The following NHSL1 variants were observed in gnomAD, a reference collection of about 807,000 sequenced individuals.
The protein encoded by NHSL1 is NHS-like protein 1.
Under a neutral mutation model 95.0 loss-of-function variants are expected in NHSL1, and 48 were observed. The ratio of observed to expected loss-of-function variants is 0.51; its 90% CI spans 0.40 to 0.64. The LOEUF is 0.64. Ranked by LOEUF, NHSL1 falls within the 30% of genes least tolerant of loss-of-function variation. The pLI is 0.00. For synonymous variants in NHSL1, 783 were observed against 833.9 expected (o/e 0.94, Z 1.05); for missense variants, 1,971 against 2,077.7 (o/e 0.95, Z 1.00).
chr6:138,433,593 C>A lies in NHSL1; in HGVS notation c.752G>T (p.Arg251Leu), dbSNP rs115607305. ...YSTLGRFNSCRSAGQRSETRD... is the reference protein window; with the variant it reads ...YSTLGRFNSCLSAGQRSETRD... ...GGTTTCTGAGCGCTGCCCAGCAGAC[C>A]GACAGCTATTGAACCTTCCTAGTGT... The change falls in exon 6 of 8, where the codon CGG (arginine) becomes CTG (leucine). Residue 251 changes from arginine (R) to leucine (L), a missense_variant. Physicochemically the swap from Arg to Leu is moderately radical, Grantham distance 102. Coordinates refer to ENST00000343505, the MANE Select transcript of NHSL1 (RefSeq NM_001144060.2). The A allele has an allele frequency of 3.2e-6, 5 of 1,552,006 alleles. No individual in the cohort carries two copies. Among genetic ancestry groups the A allele is most frequent in the Non-Finnish European group, 4.4e-6 (5 of 1,147,068 alleles).
chr6:138,529,620 G>C (rs1782052937), intron 1 of NHSL1, among the ~76,000 whole-genome samples: 1 of 152,224 alleles, frequency 6.6e-6, no homozygotes, highest in African/African-American at 2.4e-5. Context: ...TCTGAAGGCT[G>C]TGCAGAAGAA....
chr6:138,685,998 A>G (rs1264719682), intron 1 of NHSL1, among the ~76,000 whole-genome samples: 1 of 152,190 alleles, frequency 6.6e-6, no homozygotes, highest in Non-Finnish European at 1.5e-5. Context: ...AGAAGCAGAG[A>G]GTACAATGAT....
rs1419720774 is a variant in NHSL1, at chr6:138,632,555, G to C, written c.96+59921C>G. On this transcript the variant is annotated intron_variant, in intron 1 of 3. Coordinates refer to the NHSL1 transcript ENST00000491526. Reference sequence around the variant, plus strand: ...CCTTTTTTGGGAGAAAGGGAAGAGAGCAAGAGTTTCTGCCTGGTAATGCAA... The same window carrying C: ...CCTTTTTTGGGAGAAAGGGAAGAGACCAAGAGTTTCTGCCTGGTAATGCAA... 2.0e-5 allele frequency among the ~76,000 whole-genome samples: 3 copies of C among 152,190 alleles called. 1 individual carries two copies. Among genetic ancestry groups the C allele is most frequent in the African/African-American group, 7.2e-5 (3 of 41,444 alleles).
At chr6:138,458,831 A>G (rs1777802265) in intron 3 of NHSL1, among the ~76,000 whole-genome samples, 1 of 149,242 alleles carries the variant, frequency 6.7e-6, no homozygotes, top group African/African-American at 2.5e-5. Flanking sequence ...TCTGTCTCAA[A>G]AAAAAAAAAA....
intron 1 of NHSL1, among the ~76,000 whole-genome samples, chr6:138,497,780 C>T (rs1316804732): frequency 6.6e-6 from 1 of 152,194 alleles, no homozygotes; most frequent in African/African-American, 2.4e-5. Flanking sequence ...GCTCATCTCA[C>T]ATACCATCTT....
chr6:138,589,521 T>G (rs1407449753), intron 1 of NHSL1, among the ~76,000 whole-genome samples: 2 of 152,134 alleles, frequency 1.3e-5, no homozygotes, highest in African/African-American at 2.4e-5. Flanking sequence ...TGTAGAGGCT[T>G]GGCAGAGACT....
At chr6:138,537,312 G>T (rs912214421) in intron 1 of NHSL1, among the ~76,000 whole-genome samples, 1 of 152,168 alleles carries the variant, frequency 6.6e-6, no homozygotes, top group African/African-American at 2.4e-5. Context: ...TTGCTACCAC[G>T]CTCCTTTGCC....
Position 138,668,392 on chromosome 6 carries a change from G to A in NHSL1, c.96+24084C>T, listed in dbSNP as rs564577872. On this transcript the variant is annotated intron_variant, in intron 1 of 3. Transcript: ENST00000491526. ...TGGGAGGCGGAGGTTGCAGTGAGCCGAGATGGTGCCATTGCACTCCAACCT... is the reference window on the plus strand; with the variant it reads ...TGGGAGGCGGAGGTTGCAGTGAGCCAAGATGGTGCCATTGCACTCCAACCT... 5.3e-5 allele frequency among the ~76,000 whole-genome samples: 8 copies of A among 152,082 alleles called. 1 individual carries two copies. The South Asian group carries it at 8.3e-4, about 16-fold the overall frequency.
chr6:138,616,466 AG>A (rs950808337), intron 1 of NHSL1, among the ~76,000 whole-genome samples: 18 of 152,248 alleles, frequency 1.2e-4, no homozygotes, highest in African/African-American at 4.3e-4. Flanking sequence ...GGATGGTGGT[AG>A]GAACAAGTAA....
chr6:138,475,964 AAAAAC>A (rs1207567867), intron 2 of NHSL1, among the ~76,000 whole-genome samples: 2 of 152,120 alleles, frequency 1.3e-5, no homozygotes, highest in African/African-American at 2.4e-5. Context: ...CTCTGTCTCA[AAAAAC>A]AAAACAAAAC....
chr6:138,477,547 G>A (rs1353288457), intron 2 of NHSL1, among the ~76,000 whole-genome samples: 1 of 152,190 alleles, frequency 6.6e-6, no homozygotes, highest in Non-Finnish European at 1.5e-5. Context: ...AAGCTGTGGT[G>A]AGCTATGATT....
chr6:138,484,860 AATT>A (rs1404162160), intron 2 of NHSL1, among the ~76,000 whole-genome samples: 76 of 152,336 alleles, frequency 5.0e-4, no homozygotes, highest in African/African-American at 1.5e-3. Context: ...CCATGGCAAG[AATT>A]ATTATTAAAA....
intron 1 of NHSL1, among the ~76,000 whole-genome samples, chr6:138,670,959 A>G (rs1448482189): frequency 6.6e-6 from 1 of 151,840 alleles, no homozygotes; most frequent in African/African-American, 2.4e-5. Flanking sequence ...GTTCAAGACG[A>G]GCAACACAGT....
intron 1 of NHSL1, among the ~76,000 whole-genome samples, chr6:138,629,990 T>G (rs1784796333): frequency 6.6e-6 from 1 of 152,228 alleles, no homozygotes. Flanking sequence ...ACTAACTGGC[T>G]GGGCTTGAGG....
At chr6:138,567,711 C>A (rs1014575627) in intron 1 of NHSL1, among the ~76,000 whole-genome samples, 1 of 152,046 alleles carries the variant, frequency 6.6e-6, no homozygotes, top group Admixed American at 6.6e-5. Flanking sequence ...TTATTCATTA[C>A]CCTTGATGCC....
In NHSL1 at chr6:138,430,465, C is replaced by T; in HGVS notation, c.3880G>A (p.Glu1294Lys). 2 of 1,549,624 alleles carry T rather than the reference C, an allele frequency of 1.3e-6. No homozygotes were observed. Among genetic ancestry groups the T allele is most frequent in the Non-Finnish European group, 1.7e-6 (2 of 1,145,756 alleles). ...TCCGCACTGTTCTCGGCTGGCTCCT[C>T]CTGCTTGGGGGCTGGTGAGACATCA... ...QPDVSPAPKQ[E>K]EPAENSADTG... Residue 1294 changes from glutamate (E) to lysine (K), a missense_variant, in exon 6 of 8, where the codon GAG becomes AAG. Physicochemically the swap from Glu to Lys is moderately conservative, Grantham distance 56. Around this residue, in one of 3 missense-constraint regions of NHSL1, gnomAD observed 1,602 missense variants for 1,654.5 expected, o/e 0.97. Transcript: ENST00000343505. This position sits in a 1 kb window ranked among gnomAD's most constrained non-coding sequence, Gnocchi z 4.7.
chr6:138,503,470 C>T (rs139032439), upstream of NHSL1, among the ~76,000 whole-genome samples: 84 of 152,206 alleles, frequency 5.5e-4, no homozygotes, highest in African/African-American at 1.8e-3. Flanking sequence ...TATTTCATAA[C>T]GTGAAAAGTA....
intron 1 of NHSL1, among the ~76,000 whole-genome samples, chr6:138,645,033 C>T (rs190040419): frequency 1.4e-3 from 209 of 152,328 alleles, no homozygotes; most frequent in Middle Eastern, 6.8e-3. Flanking sequence ...TCATCTGTCA[C>T]TGAGGCACAG....
intron 1 of NHSL1, among the ~76,000 whole-genome samples, chr6:138,615,243 T>C (rs377413012): frequency 5.3e-5 from 8 of 152,142 alleles, no homozygotes; most frequent in African/African-American, 1.4e-4. Context: ...TTGAGGAAAA[T>C]TTTGTTGTTG....
Sources: allele counts gnomAD v4.1 joint callset (sites outside exome capture counted in the v4.1 genomes callset), GRCh38; gene constraint gnomAD v4.1.1; regional missense constraint gnomAD v4.1.1; non-coding constraint Gnocchi (gnomAD v3.1); transcripts MANE v1.5; gene names NCBI Gene and HGNC (gene_info 2026-07-23, HGNC 2026-07-21).